MSI2: variants seen among roughly 807,000 people sequenced by gnomAD.
The protein encoded by MSI2 is musashi RNA binding protein 2.
Under a neutral mutation model 45.6 loss-of-function variants are expected in MSI2, and 17 were observed. The observed-to-expected ratio is 0.37, with a 90% confidence interval of 0.26 to 0.56. MSI2 has a LOEUF of 0.56. MSI2 is among the 20% of genes least tolerant of loss of function. MSI2 has a pLI of 0.77. For missense variants in MSI2, 293 were observed against 444.2 expected (o/e 0.66, Z 3.06); for synonymous variants, 156 against 158.2 (o/e 0.99, Z 0.11).
chr17:57,433,141 C>G (rs898419837), intron 6 of MSI2, among the ~76,000 whole-genome samples: 13 of 152,114 alleles, frequency 8.5e-5, no homozygotes, highest in Admixed American at 7.9e-4. Context: ...TGGAACAACT[C>G]GGAAAGGGAG....
chr17:57,279,090 T>C (rs909497434), intron 5 of MSI2: 4 of 152,174 alleles, frequency 2.6e-5, no homozygotes, highest in African/African-American at 9.7e-5. Flanking sequence ...TGTTACTCTC[T>C]GGAAGGGAAG....
intron 6 of MSI2, among the ~76,000 whole-genome samples, chr17:57,496,137 C>G (rs1017076263): frequency 6.6e-6 from 1 of 152,166 alleles, no homozygotes. Flanking sequence ...ATTATTGTCG[C>G]TTGTGTCATT....
chr17:57,258,991 TATGG>T (rs1307861229), intron 4 of MSI2, among the ~76,000 whole-genome samples: 1 of 151,908 alleles, frequency 6.6e-6, no homozygotes, highest in African/African-American at 2.4e-5. Flanking sequence ...TTCATTTGAG[TATGG>T]GTACTTTTAT....
Position 57,293,595 on chromosome 17 carries a change from G to GTTTTT in MSI2, c.312+31410_312+31414dup, listed in dbSNP as rs71139983. On this transcript the variant is annotated intron_variant, in intron 5 of 13. Coordinates refer to ENST00000284073, the MANE Select transcript of MSI2 (RefSeq NM_138962.4). ...GTAATCAGTGCTTTATTGTTTTTTT[G>GTTTTT]TTTTTTTTTTTGTTTTTTTTTGTTT... 4.5e-5 allele frequency among the ~76,000 whole-genome samples: 6 copies of GTTTTT among 134,706 alleles called. 1 individual carries two copies. Among genetic ancestry groups the GTTTTT allele is most frequent in the South Asian group, 4.5e-4 (2 of 4,466 alleles). The allele number at this position is 134,706 out of a possible 152,430, so 88.4% of individuals were successfully genotyped here.
intron 5 of MSI2, among the ~76,000 whole-genome samples, chr17:57,330,213 A>G (rs1914126769): frequency 6.6e-6 from 1 of 151,402 alleles, no homozygotes; most frequent in East Asian, 1.9e-4. Flanking sequence ...TGTTCAGTAC[A>G]CTGTGCCTGT....
the MSI2 span, among the ~76,000 whole-genome samples, chr17:57,696,750 T>A: frequency 6.6e-6 from 1 of 151,972 alleles, no homozygotes; most frequent in African/African-American, 2.4e-5. Context: ...AATAAACAAT[T>A]TTAAAAATAA....
intron 7 of MSI2, among the ~76,000 whole-genome samples, chr17:57,554,908 G>A (rs918650931): frequency 1.3e-5 from 2 of 152,382 alleles, no homozygotes; most frequent in Non-Finnish European, 2.9e-5. Flanking sequence ...CATGAGCAGC[G>A]CCTGCAGCCC....
chr17:57,638,108 C>T (rs1034294527), intron 10 of MSI2, among the ~76,000 whole-genome samples: 7 of 152,232 alleles, frequency 4.6e-5, no homozygotes, highest in Non-Finnish European at 1.0e-4. Flanking sequence ...AGGCAAAGAG[C>T]AGTGCCAGGC....
At chr17:57,688,656 CAAATT>C (rs1334861898), downstream of MSI2, among the ~76,000 whole-genome samples, 9 of 151,840 alleles carry the variant, frequency 5.9e-5, no homozygotes, top group African/African-American at 1.2e-4. Context: ...TACACACACA[CAAATT>C]AAAACTACAT....
chr17:57,617,540 A>C (rs1365285610), intron 9 of MSI2, among the ~76,000 whole-genome samples: 1 of 152,218 alleles, frequency 6.6e-6, no homozygotes, highest in African/African-American at 2.4e-5. Context: ...GTTCACTACA[A>C]GATAATTCCT....
At chr17:57,584,185 G>A (rs1227164563) in intron 7 of MSI2, among the ~76,000 whole-genome samples, 1 of 152,198 alleles carries the variant, frequency 6.6e-6, no homozygotes, top group Non-Finnish European at 1.5e-5. Context: ...GAGTCAGGGA[G>A]CAGTCTCCGC....
chr17:57,468,985 T>C (rs1474381725), intron 6 of MSI2, among the ~76,000 whole-genome samples: 1 of 152,206 alleles, frequency 6.6e-6, no homozygotes, highest in African/African-American at 2.4e-5. Context: ...GCTGTCAGTT[T>C]GCGTGTTCCC....
At chr17:57,513,824 A>G (rs912594672) in intron 6 of MSI2, among the ~76,000 whole-genome samples, 4 of 152,182 alleles carry the variant, frequency 2.6e-5, no homozygotes, top group Admixed American at 2.0e-4. Flanking sequence ...GGAAATTCCT[A>G]TCGTTCTTAG....
chr17:57,523,381 A>G (rs925526189), intron 6 of MSI2, among the ~76,000 whole-genome samples: 1 of 152,196 alleles, frequency 6.6e-6, no homozygotes, highest in African/African-American at 2.4e-5. Flanking sequence ...CTATTCAGCC[A>G]GCACGTGAGC....
At chr17:57,320,663 G>C (rs1016715372) in intron 5 of MSI2, among the ~76,000 whole-genome samples, 4 of 152,280 alleles carry the variant, frequency 2.6e-5, no homozygotes, top group African/African-American at 9.6e-5. Flanking sequence ...CCAGAATTCG[G>C]AGTCCTAAGC....
chr17:57,562,520 C>T (rs969680649), intron 7 of MSI2, among the ~76,000 whole-genome samples: 4 of 152,216 alleles, frequency 2.6e-5, no homozygotes, highest in African/African-American at 7.2e-5. Context: ...TCTGTGCTGT[C>T]GTAGCACGCG....
At chr17:57,369,700 T>C (rs922912461) in intron 5 of MSI2, among the ~76,000 whole-genome samples, 2 of 152,220 alleles carry the variant, frequency 1.3e-5, no homozygotes, top group African/African-American at 2.4e-5. Flanking sequence ...GAGGGTTTTT[T>C]GTGACTCATC....
intron 7 of MSI2, among the ~76,000 whole-genome samples, chr17:57,541,333 T>C (rs969480329): frequency 2.0e-5 from 3 of 152,160 alleles, no homozygotes; most frequent in Admixed American, 2.0e-4. Flanking sequence ...CGTTTCTAGC[T>C]GGTTCATTCA....
At chr17:57,587,300 G>A (rs1210173459) in intron 7 of MSI2, among the ~76,000 whole-genome samples, 1 of 152,182 alleles carries the variant, frequency 6.6e-6, no homozygotes, top group Non-Finnish European at 1.5e-5. Context: ...CATGGTTGGC[G>A]CCTGACTTTT....
Sources: allele counts gnomAD v4.1 joint callset (sites outside exome capture counted in the v4.1 genomes callset), GRCh38; gene constraint gnomAD v4.1.1; transcripts MANE v1.5; gene names NCBI Gene and HGNC (gene_info 2026-07-23, HGNC 2026-07-21).